OCIAD1: variants seen among roughly 807,000 people sequenced by gnomAD.
OCIAD1 encodes the protein OCIA domain-containing protein 1.
A neutral mutation model predicts 38.9 loss-of-function variants in OCIAD1; 29 were observed. The observed-to-expected ratio is 0.74, with a 90% CI of 0.55 to 1.02. The LOEUF (loss-of-function observed/expected upper bound fraction) is 1.02, where lower values mean the gene tolerates loss of function less well. OCIAD1 is among the 50% of genes least tolerant of loss of function. The pLI, the probability that OCIAD1 is intolerant of heterozygous loss-of-function variation, is 0.00. For synonymous variants in OCIAD1, 110 were observed against 92.0 expected (o/e 1.20, Z -1.12); for missense variants, 288 against 289.6 (o/e 0.99, Z 0.04).
chr4:48,811,512 C>T (rs1457759297), intron 1 of OCIAD1, among the ~76,000 whole-genome samples: 1 of 152,208 alleles, frequency 6.6e-6, no homozygotes, highest in Non-Finnish European at 1.5e-5. Context: ...AGCAGGTACC[C>T]ATCTTAGGCT....
At chr4:48,834,520 A>T (rs1335881068) in intron 3 of OCIAD1, among the ~76,000 whole-genome samples, 5 of 152,200 alleles carry the variant, frequency 3.3e-5, no homozygotes, top group African/African-American at 1.2e-4. Flanking sequence ...CTATAATTGC[A>T]GCACTTTGGG....
In OCIAD1 at chr4:48,861,225, A is replaced by G. The variant is rs1780573992; in HGVS notation, c.*463A>G. On this transcript the variant is annotated 3_prime_UTR_variant, in exon 9 of 9. Transcript: ENST00000264312. ...CTGTATTATCTTAATGTTTATGGCA[A>G]ATAAAATGTAAAGGAACATGCAACA... 6.5e-6 allele frequency: 1 copy of G among 153,220 alleles called. No homozygotes were observed. The highest frequency in any genetic ancestry group is 2.4e-5 in the African/African-American group (1 of 41,492). 9.5% of individuals were successfully genotyped at this position (153,220 alleles called of 1,614,324 possible). A position where few individuals can be genotyped will look rare whatever the true frequency, so the allele number is the denominator to read the frequency against.
intron 4 of OCIAD1, among the ~76,000 whole-genome samples, chr4:48,843,897 A>G (rs1450777488): frequency 6.6e-6 from 1 of 152,248 alleles, no homozygotes; most frequent in Non-Finnish European, 1.5e-5. Flanking sequence ...AGAATTTAAT[A>G]GCTGCTAGTA....
At chr4:48,849,000 A>G (rs1347277827) in intron 5 of OCIAD1, among the ~76,000 whole-genome samples, 1 of 152,182 alleles carries the variant, frequency 6.6e-6, no homozygotes, top group Non-Finnish European at 1.5e-5. Context: ...CTGTAGGGAC[A>G]TGGATGAAGC....
chr4:48,833,552 C>T, intron 3 of OCIAD1, 71 bp downstream of exon 3: 1 of 959,944 alleles, frequency 1.0e-6, no homozygotes, highest in Non-Finnish European at 1.6e-6. Context: ...TGAATTTGAA[C>T]CTGAAATTAT....
intron 4 of OCIAD1, among the ~76,000 whole-genome samples, chr4:48,845,296 T>C (rs1450474530): frequency 6.6e-6 from 1 of 152,244 alleles, no homozygotes; most frequent in Non-Finnish European, 1.5e-5. Flanking sequence ...CCATATGTTC[T>C]ACCATTTATT....
chr4:48,859,875 A>T (rs975360288), intron 8 of OCIAD1, among the ~76,000 whole-genome samples: 2 of 152,208 alleles, frequency 1.3e-5, no homozygotes, highest in African/African-American at 4.8e-5. Flanking sequence ...GAGCAATGTC[A>T]CCACACATCC....
intron 2 of OCIAD1, 183 bp downstream of exon 2, chr4:48,832,865 GT>G: frequency 1.7e-6 from 1 of 591,636 alleles, no homozygotes; most frequent in Non-Finnish European, 3.0e-6. Context: ...GGAGTCCCAC[GT>G]TTTTATTTTG....
intron 7 of OCIAD1, among the ~76,000 whole-genome samples, chr4:48,853,330 T>C (rs1208249306): frequency 6.6e-6 from 1 of 152,182 alleles, no homozygotes; most frequent in Non-Finnish European, 1.5e-5. Context: ...TATAGAAATA[T>C]TAATGTGTTT....
Position 48,808,520 on chromosome 4 carries a change from G to T in OCIAD1, c.-103+3190G>T, listed in dbSNP as rs528814051. On this transcript the variant is annotated intron_variant, in intron 1 of 6. Transcript: ENST00000504654. ...AAAAGGAAAAAGATGGTGCCTCAAG[G>T]GATAATCCCCTGAGGGCTGCTCCCT... is the stretch of plus-strand genomic sequence containing the variant. Among the ~76,000 whole-genome samples, 68 of 152,124 alleles carry T rather than the reference G, an allele frequency of 4.5e-4. 1 individual carries two copies. In the South Asian group the frequency reaches 5.4e-3, roughly 12 times the overall value.
intron 4 of OCIAD1, among the ~76,000 whole-genome samples, chr4:48,845,920 CTGTT>C (rs1250051369): frequency 1.3e-5 from 2 of 152,250 alleles, no homozygotes; most frequent in Non-Finnish European, 2.9e-5. Flanking sequence ...TTCAACAAAT[CTGTT>C]TGTTTCCATT....
chr4:48,852,878 T>TTGTTTTTTTTTTG (rs1779626876), intron 7 of OCIAD1, among the ~76,000 whole-genome samples: 1 of 147,202 alleles, frequency 6.8e-6, no homozygotes, highest in African/African-American at 2.5e-5. Context: ...TTTTTTTGTT[T>TTGTTTTTTTTTTG]TTTGTTTTTT....
chr4:48,842,645 T>G lies in OCIAD1; in HGVS notation c.149T>G (p.Leu50Trp), dbSNP rs1244647166. ...DESFWFRSVP[L>W]AATSMLITQG... is the part of the protein sequence containing the mutation. ...CTTTTTCTTCCTATAGCTGTGCCTT[T>G]GGCTGCAACAAGTATGTTGATTACT... The change falls in exon 4 of 9, where the codon TTG (leucine) becomes TGG (tryptophan). Residue 50 changes from leucine (L) to tryptophan (W), a missense_variant. Transcript: ENST00000264312. The G allele has an allele frequency of 6.4e-7, 1 of 1,572,156 alleles. No homozygotes were observed. Among genetic ancestry groups the G allele is most frequent in the African/African-American group, 1.4e-5 (1 of 72,564 alleles).
chr4:48,848,439 A>G lies in OCIAD1; in HGVS notation c.234A>G (p.Lys78=). 6.8e-7 allele frequency: 1 copy of G among 1,462,430 alleles called. No homozygotes were observed. Among genetic ancestry groups the G allele is most frequent in the Non-Finnish European group, 9.5e-7 (1 of 1,051,398 alleles). The allele number at this position is 1,462,430 out of a possible 1,614,324, so 90.6% of individuals were successfully genotyped here. A position where few individuals can be genotyped will look rare whatever the true frequency, so the allele number is the denominator to read the frequency against. ...SSHPKYGSIP[K]LILACIMGYF... is the part of the protein sequence containing the mutation. ...ATCCCAAATATGGTTCCATCCCTAA[A>G]CTTATACGTAAGTATGAACAACATT... The change falls in exon 5 of 9, where the codon AAA becomes AAG. Residue 78 remains lysine, a synonymous_variant. Transcript: ENST00000264312.
rs188618522 is a variant in OCIAD1 at position 48,809,917 on chromosome 4, C to G, written c.-103+4587C>G. On this transcript the variant is annotated intron_variant, in intron 1 of 6. Transcript: ENST00000504654. ...ACTTAAGTACTTAACTATATGAGTTCCAAAATCAGACCGTATGGATTTGAA... is the reference window on the plus strand; with the variant it reads ...ACTTAAGTACTTAACTATATGAGTTGCAAAATCAGACCGTATGGATTTGAA... 1.5e-3 allele frequency among the ~76,000 whole-genome samples: 230 copies of G among 152,248 alleles called. 1 individual carries two copies. Among genetic ancestry groups the G allele is most frequent in the African/African-American group, 5.3e-3 (222 of 41,544 alleles).
intron 2 of OCIAD1, among the ~76,000 whole-genome samples, chr4:48,832,937 T>A (rs1381672730): frequency 1.3e-5 from 2 of 152,084 alleles, no homozygotes; most frequent in Non-Finnish European, 2.9e-5. Flanking sequence ...TTAATTCTAT[T>A]TGAAGTCAAA....
chr4:48,851,439 G>A (rs1779453622), intron 6 of OCIAD1, among the ~76,000 whole-genome samples: 1 of 152,172 alleles, frequency 6.6e-6, no homozygotes, highest in Non-Finnish European at 1.5e-5. Flanking sequence ...AGTAATCCCA[G>A]CACTTTGGGA....
exon 1 of OCIAD1, chr4:48,805,309 C>T (rs958908169): frequency 1.3e-5 from 2 of 152,212 alleles, no homozygotes; most frequent in Non-Finnish European, 2.9e-5. Flanking sequence ...GTAACCCCAG[C>T]CTACCTCTTA....
In OCIAD1 at chr4:48,850,071, T is replaced by A. The variant is rs1361295755; in HGVS notation, c.366T>A (p.Ser122=). ...EALRSGQARR[S]SPPGHYYQKS... is the part of the protein sequence containing the mutation. ...TACGATCAGGACAAGCACGACGATC[T>A]TCACCACCTGGGTAGGCCAGATTCT... The change falls in exon 6 of 9, where the codon TCT becomes TCA. Residue 122 remains serine, a synonymous_variant. Transcript: ENST00000264312. 1 of 1,611,476 alleles carries A rather than the reference T, an allele frequency of 6.2e-7. No homozygotes were observed. Among genetic ancestry groups the A allele is most frequent in the East Asian group, 2.2e-5 (1 of 44,854 alleles).
Sources: gnomAD v4.1 joint callset for allele counts (sites outside exome capture counted in the v4.1 genomes callset) on GRCh38, gnomAD v4.1.1 for gene constraint, MANE v1.5 for transcripts, NCBI Gene and HGNC (gene_info 2026-07-23, HGNC 2026-07-21) for gene names.